The following INSRR variants were observed in gnomAD, a reference collection of about 807,000 sequenced individuals.
INSRR encodes the protein insulin receptor-related protein.
INSRR carries 114 observed loss-of-function variants against 130.0 expected under a neutral mutation model. That is an observed-to-expected ratio of 0.88 (90% CI 0.75 to 1.02). The LOEUF (loss-of-function observed/expected upper bound fraction) is 1.02. Ranked by LOEUF, INSRR falls within the 50% of genes least tolerant of loss-of-function variation. The pLI, the probability that INSRR is intolerant of heterozygous loss-of-function variation, is 0.00. For synonymous variants in INSRR, 674 were observed against 705.2 expected (o/e 0.96, Z 0.70); for missense variants, 1,657 against 1,735.2 (o/e 0.95, Z 0.80).
intron 1 of INSRR, among the ~76,000 whole-genome samples, chr1:156,857,167 G>A (rs1283158686): frequency 6.9e-5 from 5 of 72,468 alleles, no homozygotes; most frequent in East Asian, 3.2e-4. Flanking sequence ...CTGTGTATGT[G>A]TGTGTGTGTG....
intron 8 of INSRR, 80 bp from the exon 9 acceptor site, chr1:156,846,199 G>T: frequency 1.4e-6 from 2 of 1,391,526 alleles, no homozygotes; most frequent in South Asian, 1.4e-5. Context: ...CTCCTTTCTG[G>T]GGTCCAACAG....
Position 156,846,098 on chromosome 1 carries a change from AC to A in INSRR, c.1831del (p.Val611SerfsTer120). On this transcript the variant is annotated frameshift_variant, in exon 9 of 22. Coordinates refer to ENST00000368195, the MANE Select transcript of INSRR (RefSeq NM_014215.3). LOFTEE classifies it high-confidence loss of function. The part of the protein sequence containing the change: ...LPAAPTVPQD[V>X]ISTSNSSSHL... ...GGAGGAGGAGTTGGACGTGGAGATG[AC>A]GTCTTGGGGCACCGTGGGAGCTAGG... 1 of 1,605,178 alleles carries A rather than the reference AC, an allele frequency of 6.2e-7. No individual in the cohort carries two copies. The highest frequency in any genetic ancestry group is 1.1e-5 in the South Asian group (1 of 89,762).
At chr1:156,858,299 A>G (rs1231559077) in intron 1 of INSRR, among the ~76,000 whole-genome samples, 1 of 152,196 alleles carries the variant, frequency 6.6e-6, no homozygotes, top group African/African-American at 2.4e-5. Flanking sequence ...TAGGGACGGA[A>G]GATATCTACT....
rs1654953280 is a variant in INSRR at position 156,845,308 on chromosome 1, G to T, written c.2217-12C>A. Reference sequence around the variant, plus strand: ...GCCGCCCTGAGTCCCTGGGGAGAGCGAGTCAGAGCCAAGGCCCAGCCCCCA... The same window carrying T: ...GCCGCCCTGAGTCCCTGGGGAGAGCTAGTCAGAGCCAAGGCCCAGCCCCCA... On this transcript the variant is annotated splice_polypyrimidine_tract_variant and intron_variant, in intron 11 of 21. Transcript: ENST00000368195. The T allele has an allele frequency of 6.2e-7, 1 of 1,612,112 alleles. No homozygotes were observed. Among genetic ancestry groups the T allele is most frequent in the African/African-American group, 1.3e-5 (1 of 75,024 alleles).
At chr1:156,844,424 G>A in intron 14 of INSRR, 38 bp downstream of exon 14, 1 of 1,601,320 alleles carries the variant, frequency 6.2e-7, no homozygotes, top group Non-Finnish European at 8.5e-7. Context: ...AGGTAGGGCT[G>A]TTCGGTGATA....
At chr1:156,844,119 T>C in intron 15 of INSRR, 56 bp downstream of exon 15, 1 of 1,316,596 alleles carries the variant, frequency 7.6e-7, no homozygotes, top group Non-Finnish European at 1.1e-6. Flanking sequence ...TTGACAGACT[T>C]TATGATGAGG....
chr1:156,847,610 C>A (rs1266811438), intron 7 of INSRR, among the ~76,000 whole-genome samples: 4 of 151,854 alleles, frequency 2.6e-5, no homozygotes, highest in Admixed American at 2.0e-4. Flanking sequence ...AACTTGTGGC[C>A]CAGCGGGAAG....
intron 8 of INSRR, 89 bp downstream of exon 8, chr1:156,846,430 G>A: frequency 1.9e-6 from 2 of 1,080,014 alleles, no homozygotes; most frequent in Non-Finnish European, 2.8e-6. Context: ...GGTGTTCAGT[G>A]CCCCGGCTTC....
At chr1:156,851,553 G>C (rs1375952653) in intron 4 of INSRR, 93 bp downstream of exon 4, 1 of 1,608,358 alleles carries the variant, frequency 6.2e-7, no homozygotes, top group African/African-American at 1.3e-5. Flanking sequence ...CAGGATGATG[G>C]AAAATTGTGC....
At chr1:156,851,854 C>T in intron 3 of INSRR, 34 bp downstream of exon 3, 1 of 1,574,930 alleles carries the variant, frequency 6.3e-7, no homozygotes, top group Non-Finnish European at 8.6e-7. Flanking sequence ...CTCCTCACTG[C>T]TCCCAGGGTG....
intron 19 of INSRR, 89 bp from the exon 20 acceptor site, chr1:156,841,883 C>T (rs991319744): frequency 1.2e-6 from 2 of 1,605,906 alleles, no homozygotes; most frequent in African/African-American, 2.7e-5. Context: ...CCAATCTTCT[C>T]ATCCTCCAGA....
chr1:156,853,658 T>G (rs982874435), intron 2 of INSRR, 94 bp downstream of exon 2: 13 of 1,236,042 alleles, frequency 1.1e-5, no homozygotes, highest in Non-Finnish European at 1.5e-5. Context: ...CAGTGGCAGC[T>G]GAAAGTACTG....
At chr1:156,846,247 G>A (rs1441402313) in intron 8 of INSRR, 128 bp from the exon 9 acceptor site, 3 of 1,026,874 alleles carry the variant, frequency 2.9e-6, no homozygotes, top group Non-Finnish European at 4.1e-6. Flanking sequence ...CTCACCCCTG[G>A]CTTCCTAGAA....
At chr1:156,853,500 C>T (rs942666041) in intron 2 of INSRR, among the ~76,000 whole-genome samples, 1 of 152,234 alleles carries the variant, frequency 6.6e-6, no homozygotes, top group Non-Finnish European at 1.5e-5. Context: ...ATTCTTTTCC[C>T]CCCATGCCCA....
chr1:156,856,732 C>T (rs543353992), intron 1 of INSRR, among the ~76,000 whole-genome samples: 55 of 152,264 alleles, frequency 3.6e-4, no homozygotes, highest in African/African-American at 1.3e-3. Context: ...TGTGCCCAGT[C>T]CAGGGCTGGA....
At chr1:156,855,657 TA>T (rs887944705) in intron 1 of INSRR, among the ~76,000 whole-genome samples, 16 of 151,620 alleles carry the variant, frequency 1.1e-4, no homozygotes, top group African/African-American at 3.9e-4. Context: ...ACCCCACCTC[TA>T]AAAAAAATAT....
chr1:156,841,790 G>T lies in INSRR; in HGVS notation c.3402C>A (p.Phe1134Leu). The T allele has an allele frequency of 6.2e-7, 1 of 1,614,102 alleles. No individual in the cohort carries two copies. The highest frequency in any genetic ancestry group is 1.1e-5 in the South Asian group (1 of 91,082). The change falls in exon 20 of 22, where the codon TTC becomes TTA. Residue 1134 changes from phenylalanine (F) to leucine (L), a missense_variant. By Grantham distance (22) the Phe-to-Leu change is conservative. Transcript: ENST00000368195. ...SQDFTVKIGDFGMTRDVYETD... is the reference protein window; with the variant it reads ...SQDFTVKIGDLGMTRDVYETD... The stretch of plus-strand genomic sequence containing the variant: ...TCTCATACACGTCCCGAGTCATCCC[G>T]AAGTCTGGAAAGTGAGGGTGAGGGT...
chr1:156,853,593 T>G (rs186876201), intron 2 of INSRR, among the ~76,000 whole-genome samples, 159 bp downstream of exon 2: 53 of 152,318 alleles, frequency 3.5e-4, no homozygotes, highest in Admixed American at 7.8e-4. Flanking sequence ...GTTACGTAAC[T>G]TTTCTGAGCC....
chr1:156,849,333 T>C lies in INSRR; in HGVS notation c.1357A>G (p.Ile453Val). The change falls in exon 6 of 22, where the codon ATC becomes GTC. Residue 453 changes from isoleucine (I) to valine (V), a missense_variant. Ile to Val is a conservative substitution (Grantham distance 29, BLOSUM62 3). Coordinates refer to ENST00000368195, the MANE Select transcript of INSRR (RefSeq NM_014215.3). ...AFNPRLCLEHIYRLEEVTGTR... is the reference protein window; with the variant it reads ...AFNPRLCLEHVYRLEEVTGTR... Reference sequence around the variant, plus strand: ...CCTGTCACCTCCTCCAGTCGGTAGATGTGTTCCAAGCAGAGGCGCGGGTTG... The same window carrying C: ...CCTGTCACCTCCTCCAGTCGGTAGACGTGTTCCAAGCAGAGGCGCGGGTTG... The C allele has an allele frequency of 6.2e-7, 1 of 1,613,852 alleles. No homozygotes were observed. Among genetic ancestry groups the C allele is most frequent in the East Asian group, 2.2e-5 (1 of 44,866 alleles).
Sources: allele counts gnomAD v4.1 joint callset (sites outside exome capture counted in the v4.1 genomes callset), GRCh38; gene constraint gnomAD v4.1.1; transcripts MANE v1.5; gene names NCBI Gene and HGNC (gene_info 2026-07-23, HGNC 2026-07-21).